The following DYDC1 variants were observed in gnomAD, a reference collection of about 807,000 sequenced individuals.
DYDC1 encodes DPY30 domain containing 1, also known as DPY30 domain-containing protein 1.
DYDC1 carries 21 observed loss-of-function variants against 27.9 expected under a neutral mutation model. The ratio of observed to expected loss-of-function variants is 0.75; its 90% CI spans 0.53 to 1.08. The LOEUF is 1.08. Among genes scored for constraint, DYDC1 ranks in the 50% least tolerant of loss-of-function variants. The pLI is 0.00. For missense variants in DYDC1, 202 were observed against 205.9 expected (o/e 0.98, Z 0.12); for synonymous variants, 67 against 65.8 (o/e 1.02, Z -0.09).
intron 4 of DYDC1, among the ~76,000 whole-genome samples, chr10:80,341,842 T>C (rs893501843): frequency 1.3e-5 from 2 of 152,030 alleles, no homozygotes; most frequent in African/African-American, 4.8e-5. Context: ...CTGACCAACA[T>C]GGAGAAACCC....
At chr10:80,340,764 G>A (rs1842292942) in intron 4 of DYDC1, among the ~76,000 whole-genome samples, 1 of 152,038 alleles carries the variant, frequency 6.6e-6, no homozygotes, top group African/African-American at 2.4e-5. Flanking sequence ...TTTGATACAA[G>A]CATACAATAT....
chr10:80,336,436 T>A (rs1842137222), intron 6 of DYDC1: 4 of 799,234 alleles, frequency 5.0e-6, no homozygotes, highest in Non-Finnish European at 4.5e-6. Context: ...CTCCTCTTCC[T>A]GTGGCCATCC....
rs965780575 is a variant in DYDC1, at chr10:80,338,334, C to G, written c.504+133G>C. The G allele has an allele frequency of 2.2e-5, 31 of 1,378,322 alleles. No individual in the cohort carries two copies. The Admixed American group carries it at 5.3e-4, about 24-fold the overall frequency. 85.4% of individuals were successfully genotyped at this position (1,378,322 alleles called of 1,614,324 possible). A position where few individuals can be genotyped will look rare whatever the true frequency, so the allele number is the denominator to read the frequency against. ...AATCCGCAACCAGGGAACTGATTTT[C>G]TTTCTCTGAAGCAAAAGGCCTATTT... On this transcript the variant is annotated intron_variant, in intron 6 of 6. Coordinates refer to ENST00000372202, the MANE Select transcript of DYDC1 (RefSeq NM_001269053.2).
intron 3 of DYDC1, among the ~76,000 whole-genome samples, chr10:80,345,995 T>C (rs1470437821): frequency 6.6e-6 from 1 of 152,042 alleles, no homozygotes; most frequent in East Asian, 1.9e-4. Context: ...GTGCATGCCA[T>C]CATCATCATG....
intron 6 of DYDC1, chr10:80,337,971 T>G: frequency 3.6e-6 from 2 of 562,858 alleles, no homozygotes; most frequent in Non-Finnish European, 4.5e-6. Context: ...AATTGTCTGT[T>G]TCTCCCCTGA....
intron 6 of DYDC1, chr10:80,337,338 C>G (rs1414791510): frequency 2.0e-6 from 2 of 985,348 alleles, no homozygotes; most frequent in African/African-American, 3.5e-5. Flanking sequence ...TCATAGCTGA[C>G]CTTTAATAAA....
chr10:80,338,008 TC>T (rs746636205), intron 6 of DYDC1: 12 of 870,654 alleles, frequency 1.4e-5, no homozygotes, highest in African/African-American at 1.9e-5. Context: ...GTCAAAGCCA[TC>T]TGCCTTATTC....
chr10:80,342,995 A>AAG (rs1554844274), intron 3 of DYDC1, among the ~76,000 whole-genome samples: 2 of 150,866 alleles, frequency 1.3e-5, no homozygotes, highest in East Asian at 1.9e-4. Flanking sequence ...AAAAAAAAAA[A>AAG]AAAGAAAAGA....
chr10:80,356,217 C>A (rs1455524147), intron 1 of DYDC1: 1 of 978,924 alleles, frequency 1.0e-6, no homozygotes, highest in Non-Finnish European at 1.2e-6. Flanking sequence ...TAATACCCAT[C>A]TCTCCTGTGG....
chr10:80,346,288 T>A (rs941324376), intron 3 of DYDC1, among the ~76,000 whole-genome samples: 4 of 152,136 alleles, frequency 2.6e-5, no homozygotes, highest in African/African-American at 9.7e-5. Context: ...GAATATATAC[T>A]GAGAAGAGGA....
intron 3 of DYDC1, among the ~76,000 whole-genome samples, chr10:80,346,904 G>A (rs560747892): frequency 5.3e-5 from 8 of 151,164 alleles, no homozygotes; most frequent in Non-Finnish European, 1.0e-4. Context: ...GCGAAACCCC[G>A]TCTCTACTAA....
At chr10:80,352,645 A>G (rs1843073450) in intron 1 of DYDC1, 35 bp from the exon 2 acceptor site, 1 of 1,576,030 alleles carries the variant, frequency 6.3e-7, no homozygotes, top group Admixed American at 1.9e-5. Context: ...ACTGCAGGAT[A>G]TTTTCAATAA....
At chr10:80,350,683 C>T (rs995371369) in intron 3 of DYDC1, among the ~76,000 whole-genome samples, 4 of 152,202 alleles carry the variant, frequency 2.6e-5, no homozygotes, top group African/African-American at 7.2e-5. Flanking sequence ...TATCCACATA[C>T]TCAAATAATA....
At chr10:80,352,297 G>T in intron 2 of DYDC1, 158 bp downstream of exon 2, 1 of 1,114,746 alleles carries the variant, frequency 9.0e-7, no homozygotes, top group Non-Finnish European at 1.2e-6. Context: ...TCTTCTTTGG[G>T]TAATGTTTTC....
rs1389657978 is a variant in DYDC1, at chr10:80,347,324, C to T, written c.249+4577G>A. Among the ~76,000 whole-genome samples the T allele has an allele frequency of 4.1e-4, 19 of 46,424 alleles. 1 individual carries two copies. Among genetic ancestry groups the T allele is most frequent in the Non-Finnish European group, 6.6e-4 (17 of 25,782 alleles). The allele number at this position is 46,424 out of a possible 152,430, so 30.5% of individuals were successfully genotyped here. ...TTTTTTTGCTATTGAGTTTGCATTC[C>T]TTATATATTTTGGAGATTAACTCCT... On this transcript the variant is annotated intron_variant, in intron 3 of 6. Transcript: ENST00000372202.
At chr10:80,348,762 T>G (rs1292689510) in intron 3 of DYDC1, among the ~76,000 whole-genome samples, 3 of 152,228 alleles carry the variant, frequency 2.0e-5, no homozygotes, top group African/African-American at 7.2e-5. Flanking sequence ...TAGAAATACC[T>G]TCTAAGGAAT....
chr10:80,352,430 T>A, intron 2 of DYDC1, 25 bp downstream of exon 2: 3 of 1,538,210 alleles, frequency 2.0e-6, no homozygotes, highest in Non-Finnish European at 2.6e-6. Flanking sequence ...TTCTTCTAAT[T>A]TCCTAGAAGG....
intron 5 of DYDC1, 23 bp downstream of exon 5, chr10:80,339,074 A>G (rs1349998581): frequency 1.5e-6 from 2 of 1,324,276 alleles, no homozygotes; most frequent in Non-Finnish European, 1.0e-6. Flanking sequence ...TTCACATAAC[A>G]TAGAATGACT....
In DYDC1 at chr10:80,352,603, TC is replaced by T. The variant is rs1366435714; in HGVS notation, c.-3del. ...CTTTTGAAGATATATTGACTCCATT[TC>T]TAACTCCTAAAAAGTAAGTGTTTTT... On this transcript the variant is annotated 5_prime_UTR_variant, in exon 2 of 7. Coordinates refer to ENST00000372202, the MANE Select transcript of DYDC1 (RefSeq NM_001269053.2). 1 of 1,597,034 alleles carries T rather than the reference TC, an allele frequency of 6.3e-7. No individual in the cohort carries two copies. The highest frequency in any genetic ancestry group is 8.5e-7 in the Non-Finnish European group (1 of 1,175,714).
Sources: gnomAD v4.1 joint callset for allele counts (sites outside exome capture counted in the v4.1 genomes callset) on GRCh38, gnomAD v4.1.1 for gene constraint, MANE v1.5 for transcripts, NCBI Gene and HGNC (gene_info 2026-07-23, HGNC 2026-07-21) for gene names.